The following PEX14 variants were observed in gnomAD, a reference collection of about 807,000 sequenced individuals.
PEX14 encodes the protein peroxisomal membrane protein PEX14.
A neutral mutation model predicts 49.5 loss-of-function variants in PEX14; 15 were observed. The observed-to-expected ratio is 0.30, with a 90% CI of 0.20 to 0.47. The LOEUF (loss-of-function observed/expected upper bound fraction) is 0.47, where lower values mean the gene tolerates loss of function less well. PEX14 is among the 20% of genes least tolerant of loss of function. The pLI is 1.00. For missense variants in PEX14, 398 were observed against 494.8 expected (o/e 0.80, Z 1.86); for synonymous variants, 210 against 212.7 (o/e 0.99, Z 0.11).
intron 2 of PEX14, among the ~76,000 whole-genome samples, chr1:10,506,355 T>G (rs1311288587): frequency 6.6e-6 from 1 of 152,230 alleles, no homozygotes; most frequent in Non-Finnish European, 1.5e-5. Context: ...TCTTGCTCAC[T>G]GCAACCTCTG....
intron 3 of PEX14, among the ~76,000 whole-genome samples, chr1:10,598,206 A>G (rs1030286982): frequency 2.6e-5 from 4 of 152,210 alleles, no homozygotes; most frequent in Non-Finnish European, 5.9e-5. Flanking sequence ...GCAGACTAAC[A>G]GTGACCTCCC....
chr1:10,537,089 A>T (rs1015656083), intron 3 of PEX14, among the ~76,000 whole-genome samples: 3 of 152,138 alleles, frequency 2.0e-5, no homozygotes, highest in African/African-American at 7.2e-5. Context: ...TTGAGCTTTC[A>T]GTCATTTTTG....
chr1:10,508,519 G>C (rs1641828126), intron 2 of PEX14, among the ~76,000 whole-genome samples: 1 of 152,072 alleles, frequency 6.6e-6, no homozygotes, highest in Non-Finnish European at 1.5e-5. Flanking sequence ...TAGATTGGGG[G>C]CCCAAGACTG....
At chr1:10,484,464 C>T (rs765162302) in intron 1 of PEX14, among the ~76,000 whole-genome samples, 10 of 151,726 alleles carry the variant, frequency 6.6e-5, no homozygotes, top group East Asian at 1.9e-4. Flanking sequence ...TGAGCCACTG[C>T]GCCTGACCAT....
chr1:10,520,151 T>TTTTTTTTTTTTTTTG (rs1557824015), intron 2 of PEX14, among the ~76,000 whole-genome samples: 1 of 76,314 alleles, frequency 1.3e-5, no homozygotes, highest in African/African-American at 3.7e-5. Flanking sequence ...TCTTCTTCTT[T>TTTTTTTTTTTTTTTG]TTTTTTTTTT....
At chr1:10,601,483 G>A (rs933347915) in intron 4 of PEX14, among the ~76,000 whole-genome samples, 1 of 152,192 alleles carries the variant, frequency 6.6e-6, no homozygotes, top group African/African-American at 2.4e-5. Flanking sequence ...GGGCCAGCCA[G>A]TGGGTTGGAA....
intron 3 of PEX14, among the ~76,000 whole-genome samples, chr1:10,598,944 G>C (rs930575990): frequency 7.3e-5 from 11 of 151,700 alleles, no homozygotes; most frequent in African/African-American, 2.7e-4. Context: ...ATCTGTTTTC[G>C]GGGGAAGAAT....
chr1:10,499,609 C>T (rs769458765), intron 2 of PEX14, among the ~76,000 whole-genome samples: 13 of 151,898 alleles, frequency 8.6e-5, no homozygotes, highest in Non-Finnish European at 1.6e-4. Context: ...CCGCCATGCC[C>T]AGCTAATTTT....
intron 1 of PEX14, among the ~76,000 whole-genome samples, chr1:10,492,708 G>GT (rs1401880992): frequency 6.6e-6 from 1 of 152,174 alleles, no homozygotes; most frequent in East Asian, 1.9e-4. Flanking sequence ...CCATTGTTCT[G>GT]TTTTTTTGTT....
chr1:10,533,700 C>T (rs1638714441), intron 2 of PEX14, among the ~76,000 whole-genome samples: 2 of 152,186 alleles, frequency 1.3e-5, no homozygotes, highest in South Asian at 4.1e-4. Flanking sequence ...GAATCAGACC[C>T]ACCACAGGTG....
chr1:10,477,331 A>G (rs1405256872), intron 1 of PEX14, among the ~76,000 whole-genome samples: 11 of 152,124 alleles, frequency 7.2e-5, no homozygotes. Flanking sequence ...CAGCCTCCCA[A>G]AGTGCTGGGA....
intron 3 of PEX14, among the ~76,000 whole-genome samples, chr1:10,540,043 A>G (rs898656673): frequency 6.6e-6 from 1 of 152,158 alleles, no homozygotes; most frequent in African/African-American, 2.4e-5. Context: ...TTCCTGCCTC[A>G]TCCAAGAAAT....
intron 3 of PEX14, among the ~76,000 whole-genome samples, chr1:10,590,704 C>T (rs547615964): frequency 6.6e-6 from 1 of 152,238 alleles, no homozygotes; most frequent in Non-Finnish European, 1.5e-5. Flanking sequence ...CAGTAGCAAC[C>T]AATACCAGAT....
chr1:10,623,964 C>A lies in PEX14; in HGVS notation c.488-376C>A, dbSNP rs1010309105. Among the ~76,000 whole-genome samples the A allele has an allele frequency of 3.9e-5, 6 of 152,162 alleles. No individual in the cohort carries two copies. The highest frequency in any genetic ancestry group is 8.8e-5 in the Non-Finnish European group (6 of 68,034). On this transcript the variant is annotated intron_variant, in intron 6 of 8. Transcript: ENST00000356607. This position sits in a 1 kb window ranked among gnomAD's most constrained non-coding sequence, Gnocchi z 4.4. Reference sequence around the variant, plus strand: ...TGTGGCGGGGACCTGAGATGCATCTCTCCCAGCATTGGAGACCCCAGGAGT... The same window carrying A: ...TGTGGCGGGGACCTGAGATGCATCTATCCCAGCATTGGAGACCCCAGGAGT...
At chr1:10,584,928 A>T (rs577256935) in intron 3 of PEX14, among the ~76,000 whole-genome samples, 1 of 152,358 alleles carries the variant, frequency 6.6e-6, no homozygotes, top group South Asian at 2.1e-4. Context: ...GGATTTTAAC[A>T]TACATTATAA....
chr1:10,573,331 T>G (rs943901903), intron 3 of PEX14, among the ~76,000 whole-genome samples: 2 of 152,202 alleles, frequency 1.3e-5, no homozygotes, highest in Admixed American at 6.5e-5. Flanking sequence ...GCGCAGTAGC[T>G]CACACCTGTA....
intron 5 of PEX14, among the ~76,000 whole-genome samples, chr1:10,619,877 T>C (rs1198107190): frequency 6.6e-6 from 1 of 151,174 alleles, no homozygotes; most frequent in Non-Finnish European, 1.5e-5. Context: ...AGGCTGAGGC[T>C]GAGGATCCTG....
rs766372356 is a variant in PEX14 at position 10,623,068 on chromosome 1, T to G, written c.434T>G (p.Leu145Arg). The G allele has an allele frequency of 1.9e-6, 3 of 1,613,892 alleles. No homozygotes were observed. The African/African-American group carries it at 4.0e-5, about 22-fold the overall frequency. ...GGCGGCCGAGAGGACAGAAAGCAGC[T>G]GGAGAGGATGGAGGCCGGTCTCTCT... ...ILGGREDRKQ[L>R]ERMEAGLSEL... The change falls in exon 6 of 9, where the codon CTG becomes CGG. Residue 145 changes from leucine to arginine, a missense_variant. Leu to Arg is a moderately radical substitution (Grantham distance 102). This residue lies in a region of PEX14 where 202 missense variants were observed against 298.5 expected (regional missense o/e 0.68). Transcript: ENST00000356607. This position sits in a 1 kb window ranked among gnomAD's most constrained non-coding sequence, Gnocchi z 4.4.
At chr1:10,508,000 T>C (rs1641816556) in intron 2 of PEX14, among the ~76,000 whole-genome samples, 1 of 152,208 alleles carries the variant, frequency 6.6e-6, no homozygotes, top group Admixed American at 6.5e-5. Flanking sequence ...GTTTTGAAAC[T>C]TTCCCCCATG....
Sources: allele counts gnomAD v4.1 joint callset (sites outside exome capture counted in the v4.1 genomes callset), GRCh38; gene constraint gnomAD v4.1.1; regional missense constraint gnomAD v4.1.1; non-coding constraint Gnocchi (gnomAD v3.1); transcripts MANE v1.5; gene names NCBI Gene and HGNC (gene_info 2026-07-23, HGNC 2026-07-21).